AKR1E2: variants seen among roughly 807,000 people sequenced by gnomAD.
The protein encoded by AKR1E2 is 1,5-anhydro-D-fructose reductase.
Under a neutral mutation model 41.9 loss-of-function variants are expected in AKR1E2, and 43 were observed. The ratio of observed to expected loss-of-function variants is 1.03; its 90% confidence interval spans 0.80 to 1.32. The LOEUF (loss-of-function observed/expected upper bound fraction) is 1.32. AKR1E2 is among the 40% of genes most tolerant of loss of function. AKR1E2 has a pLI of 0.00. For synonymous variants in AKR1E2, 121 were observed against 138.9 expected (o/e 0.87, Z 0.91); for missense variants, 423 against 396.5 (o/e 1.07, Z -0.57).
intron 8 of AKR1E2, chr10:4,846,070 A>T (rs748410572): frequency 3.1e-5 from 11 of 355,498 alleles, no homozygotes; most frequent in Non-Finnish European, 6.1e-5. Context: ...CTTTATAAGG[A>T]GTCTTCTAGA....
rs3180698 is a variant in AKR1E2 at position 4,837,479 on chromosome 10, C to G, written c.480C>G (p.Ile160Met). 27 of 1,612,446 alleles carry G rather than the reference C, an allele frequency of 1.7e-5. No homozygotes were observed. The highest frequency in any genetic ancestry group is 2.1e-5 in the Non-Finnish European group (25 of 1,179,068). ...DTWEAMEDLV[I>M]TGLVKNIGVS... is the part of the protein sequence containing the mutation. ...TATAGGCCATGGAGGACCTGGTGAT[C>G]ACCGGGCTGGTGAAGAACATCGGGG... is the stretch of plus-strand genomic sequence containing the variant. The change falls in exon 5 of 10, where the codon ATC (isoleucine) becomes ATG (methionine). Residue 160 changes from isoleucine (I) to methionine (M), a missense_variant. By Grantham distance (10) the Ile-to-Met change is conservative (BLOSUM62 1). Transcript: ENST00000298375.
At chr10:4,828,036 G>A (rs1209205327) in intron 1 of AKR1E2, among the ~76,000 whole-genome samples, 1 of 152,180 alleles carries the variant, frequency 6.6e-6, no homozygotes, top group Admixed American at 6.5e-5. Flanking sequence ...TCTATGCAAA[G>A]GCTTATTTTT....
At chr10:4,826,442 G>C (rs915387215) in intron 1 of AKR1E2, 79 bp downstream of exon 1, 2 of 1,188,498 alleles carry the variant, frequency 1.7e-6, no homozygotes, top group Non-Finnish European at 2.1e-6. Context: ...GACCCAGGCC[G>C]GGGCTGGGGA....
At chr10:4,869,422 A>C in the AKR1E2 span, among the ~76,000 whole-genome samples, 1 of 151,834 alleles carries the variant, frequency 6.6e-6, no homozygotes, top group Admixed American at 6.6e-5. Context: ...CTCTTTTTTT[A>C]TGTCAGTCTT....
At chr10:4,844,842 A>C (rs1327519833) in intron 8 of AKR1E2, among the ~76,000 whole-genome samples, 4 of 152,188 alleles carry the variant, frequency 2.6e-5, no homozygotes, top group Admixed American at 2.6e-4. Flanking sequence ...TCAGGAGCCT[A>C]GCTGGCTTCA....
upstream of AKR1E2, chr10:4,825,017 G>A (rs1223627779): frequency 2.2e-6 from 1 of 455,704 alleles, no homozygotes; most frequent in Admixed American, 2.3e-5. Context: ...CTGCACCCTG[G>A]CCTAACTTGC....
intron 1 of AKR1E2, among the ~76,000 whole-genome samples, chr10:4,827,160 T>A (rs1301374568): frequency 6.6e-6 from 1 of 152,042 alleles, no homozygotes; most frequent in Non-Finnish European, 1.5e-5. Context: ...TGTTGTTCCC[T>A]GTTTAGAAGC....
downstream of AKR1E2, among the ~76,000 whole-genome samples, chr10:4,850,348 T>C (rs1215142136): frequency 2.6e-5 from 4 of 152,200 alleles, no homozygotes; most frequent in African/African-American, 9.7e-5. Context: ...CGTATTTTAT[T>C]TGAATGGAAA....
Position 4,835,814 on chromosome 10 carries a change from G to T in AKR1E2, c.459+5G>T. ...GACTTCCTGGACACGTGGGAGGTGA[G>T]CTGAGCCACACCACCAGGCAGCCTC... On this transcript the variant is annotated splice_donor_5th_base_variant and intron_variant, in intron 4 of 9. Coordinates refer to ENST00000298375, the MANE Select transcript of AKR1E2 (RefSeq NM_001040177.3). 1 of 1,613,536 alleles carries T rather than the reference G, an allele frequency of 6.2e-7. No individual in the cohort carries two copies. Among genetic ancestry groups the T allele is most frequent in the Non-Finnish European group, 8.5e-7 (1 of 1,179,906 alleles).
intron 5 of AKR1E2, among the ~76,000 whole-genome samples, chr10:4,837,882 C>G (rs1216502813): frequency 6.6e-6 from 1 of 152,234 alleles, no homozygotes; most frequent in African/African-American, 2.4e-5. Context: ...AGGTGCCTCA[C>G]CCTTATCCAG....
At chr10:4,869,066 G>A in the AKR1E2 span, among the ~76,000 whole-genome samples, 1 of 152,060 alleles carries the variant, frequency 6.6e-6, no homozygotes, top group Non-Finnish European at 1.5e-5. Context: ...AATGAACTGG[G>A]AAGTGTTCCC....
At chr10:4,837,678 G>A in intron 5 of AKR1E2, 97 bp downstream of exon 5, 1 of 1,526,854 alleles carries the variant, frequency 6.5e-7, no homozygotes. Context: ...AATGGGTGAA[G>A]CACAAAACAG....
the AKR1E2 span, chr10:4,871,818 A>T: frequency 6.6e-6 from 1 of 152,198 alleles, no homozygotes; most frequent in African/African-American, 2.4e-5. Flanking sequence ...ATAAACTAGA[A>T]AACTTCCCAT....
Position 4,833,440 on chromosome 10 carries a change from C to T in AKR1E2, c.298C>T (p.Leu100Phe), listed in dbSNP as rs762002183. The T allele has an allele frequency of 8.7e-6, 14 of 1,614,138 alleles. No individual in the cohort carries two copies. In the South Asian group the frequency reaches 1.4e-4, roughly 16 times the overall value. ...GAAGCTGAACTATTTGGACCTCTACCTCATACACTGGCCCATGGGTTTCAA... is the reference window on the plus strand; with the variant it reads ...GAAGCTGAACTATTTGGACCTCTACTTCATACACTGGCCCATGGGTTTCAA... ...ALKLNYLDLY[L>F]IHWPMGFKPP... The change falls in exon 3 of 10, where the codon CTC becomes TTC. Residue 100 changes from leucine to phenylalanine, a missense_variant. Transcript: ENST00000298375.
intron 5 of AKR1E2, 28 bp downstream of exon 5, chr10:4,837,609 T>A: frequency 6.3e-7 from 1 of 1,599,424 alleles, no homozygotes; most frequent in Non-Finnish European, 8.6e-7. Context: ...TCAGAGAGTT[T>A]AACCTGTGTG....
chr10:4,836,342 T>C (rs957375289), intron 4 of AKR1E2, among the ~76,000 whole-genome samples: 2 of 152,130 alleles, frequency 1.3e-5, no homozygotes, highest in African/African-American at 4.8e-5. Flanking sequence ...CTGCAGGGGC[T>C]TGCAGTAAAG....
intron 1 of AKR1E2, 103 bp from the exon 2 acceptor site, chr10:4,830,572 T>C: frequency 7.3e-7 from 1 of 1,364,988 alleles, no homozygotes; most frequent in Non-Finnish European, 1.0e-6. Context: ...ATTAGTGACT[T>C]AATTTTTTAT....
intron 8 of AKR1E2, among the ~76,000 whole-genome samples, chr10:4,844,122 TA>T: frequency 6.6e-6 from 1 of 152,304 alleles, no homozygotes; most frequent in East Asian, 1.9e-4. Context: ...TTACAGTTCT[TA>T]AAGGTGGTGT....
At chr10:4,850,330 G>A (rs1834498639), downstream of AKR1E2, among the ~76,000 whole-genome samples, 1 of 152,152 alleles carries the variant, frequency 6.6e-6, no homozygotes, top group Non-Finnish European at 1.5e-5. Context: ...TCTCCTCATT[G>A]GCACTTTCGT....
Sources: gnomAD v4.1 joint callset for allele counts (sites outside exome capture counted in the v4.1 genomes callset) on GRCh38, gnomAD v4.1.1 for gene constraint, MANE v1.5 for transcripts, NCBI Gene and HGNC (gene_info 2026-07-23, HGNC 2026-07-21) for gene names.